The following NELL2 variants were observed in gnomAD, a reference collection of about 807,000 sequenced individuals.
NELL2 encodes protein kinase C-binding protein NELL2.
A neutral mutation model predicts 109.6 loss-of-function variants in NELL2; 41 were observed. The observed-to-expected ratio is 0.37, with a 90% CI of 0.29 to 0.49. The LOEUF is 0.49. Ranked by LOEUF, NELL2 falls within the 20% of genes least tolerant of loss-of-function variation. NELL2 has a pLI of 0.98. For missense variants in NELL2, 900 were observed against 1,008.3 expected (o/e 0.89, Z 1.45); for synonymous variants, 355 against 344.7 (o/e 1.03, Z -0.33).
In NELL2 at chr12:44,777,295, T is replaced by C. The variant is rs755724015; in HGVS notation, c.626A>G (p.Gln209Arg). 6.2e-7 allele frequency: 1 copy of C among 1,613,712 alleles called. No homozygotes were observed. The highest frequency in any genetic ancestry group is 1.1e-5 in the South Asian group (1 of 91,070). ...GYFKGIMQDV[Q>R]LLVMPQGFIA... Reference sequence around the variant, plus strand: ...AAATCCCTGGGGCATGACAAGTAATTGGACATCTTGCATTATACCCTGTGT... The same window carrying C: ...AAATCCCTGGGGCATGACAAGTAATCGGACATCTTGCATTATACCCTGTGT... Residue 209 changes from glutamine to arginine, a missense_variant, in exon 6 of 20, where the codon CAA becomes CGA. By Grantham distance (43) the Gln-to-Arg change is conservative (BLOSUM62 1). Around this residue, in one of 4 missense-constraint regions of NELL2, gnomAD observed 75 missense variants for 118.9 expected, o/e 0.63. Coordinates refer to ENST00000429094, the MANE Select transcript of NELL2 (RefSeq NM_001145108.2).
At chr12:44,820,608 CAAAAAAA>C (rs11445797) in intron 2 of NELL2, among the ~76,000 whole-genome samples, 1 of 133,860 alleles carries the variant, frequency 7.5e-6, no homozygotes, top group Non-Finnish European at 1.6e-5. Context: ...GACTCCGTCT[CAAAAAAA>C]AAAAAAAGAA....
At chr12:44,718,705 A>AATAAT (rs777807685) in intron 9 of NELL2, among the ~76,000 whole-genome samples, 22 of 152,202 alleles carry the variant, frequency 1.4e-4, no homozygotes, top group Non-Finnish European at 2.9e-4. Context: ...TTCTAGGGAG[A>AATAAT]TGTACTTAAT....
chr12:44,576,599 G>T (rs150102607), intron 15 of NELL2, among the ~76,000 whole-genome samples: 146 of 150,098 alleles, frequency 9.7e-4, no homozygotes, highest in African/African-American at 3.2e-3. Flanking sequence ...TGCATATTGT[G>T]CAGGTTAGTT....
intron 15 of NELL2, among the ~76,000 whole-genome samples, chr12:44,589,265 GA>G (rs199862398): frequency 0.14 from 18,476 of 136,288 alleles, 1,330 homozygotes; most frequent in African/African-American, 0.21. Context: ...CAGTCCAGTG[GA>G]AAAAAAAAAA....
chr12:44,680,466 T>C (rs1948459976), intron 12 of NELL2, among the ~76,000 whole-genome samples: 1 of 152,202 alleles, frequency 6.6e-6, no homozygotes, highest in Non-Finnish European at 1.5e-5. Flanking sequence ...GAAAAATTAC[T>C]TGGAGGAAAT....
At chr12:44,863,700 C>T (rs574289027) in intron 2 of NELL2, among the ~76,000 whole-genome samples, 58 of 152,082 alleles carry the variant, frequency 3.8e-4, no homozygotes, top group Non-Finnish European at 7.6e-4. Context: ...TAATTAGTAA[C>T]ATGAAAACAT....
intron 3 of NELL2, among the ~76,000 whole-genome samples, chr12:44,796,562 A>G (rs1942627871): frequency 6.6e-6 from 1 of 152,156 alleles, no homozygotes. Context: ...GTCAATAAAC[A>G]AGGCCAAACA....
chr12:44,742,140 T>C (rs944479926), intron 9 of NELL2, among the ~76,000 whole-genome samples: 6 of 152,124 alleles, frequency 3.9e-5, no homozygotes, highest in African/African-American at 1.4e-4. Flanking sequence ...GGCAGCAGCA[T>C]TTGCGGTTCA....
chr12:44,690,066 T>C (rs556582553), intron 12 of NELL2, among the ~76,000 whole-genome samples: 2 of 152,298 alleles, frequency 1.3e-5, no homozygotes, highest in Admixed American at 1.3e-4. Context: ...TCTCCCACTT[T>C]AATGTGCATA....
chr12:44,702,297 C>T (rs1027536039), intron 12 of NELL2, among the ~76,000 whole-genome samples: 14 of 152,062 alleles, frequency 9.2e-5, no homozygotes, highest in Non-Finnish European at 1.5e-4. Flanking sequence ...CTCCTGAGCA[C>T]GGGAAATTCT....
intron 12 of NELL2, among the ~76,000 whole-genome samples, chr12:44,698,205 A>C (rs552858423): frequency 6.6e-6 from 1 of 152,344 alleles, no homozygotes; most frequent in East Asian, 1.9e-4. Flanking sequence ...ATTTCCAAAT[A>C]AGGTAACATT....
At chr12:44,697,667 T>G (rs80234956) in intron 12 of NELL2, among the ~76,000 whole-genome samples, 9,095 of 152,210 alleles carry the variant, frequency 0.06, 899 homozygotes, top group African/African-American at 0.2. Flanking sequence ...CATGAGAAAG[T>G]AATTATATGC....
At chr12:44,804,397 T>C (rs528882938) in intron 3 of NELL2, among the ~76,000 whole-genome samples, 36 of 151,788 alleles carry the variant, frequency 2.4e-4, no homozygotes, top group African/African-American at 8.4e-4. Context: ...GGAAGTGGAG[T>C]GTACACAACA....
In NELL2 at chr12:44,876,261, C is replaced by A; in HGVS notation, c.-392G>T. 8.6e-7 allele frequency: 1 copy of A among 1,161,604 alleles called. No homozygotes were observed. The highest frequency in any genetic ancestry group is 1.1e-6 in the Non-Finnish European group (1 of 940,698). The allele number at this position is 1,161,604 out of a possible 1,614,324, so 72.0% of individuals were successfully genotyped here. A position where few individuals can be genotyped will look rare whatever the true frequency, so the allele number is the denominator to read the frequency against. ...CCAAGAAAGCCCGGGCTGGGGCGGC[C>A]CCGCACCCCCCCGTCTTCCCCGCCG... is the stretch of plus-strand genomic sequence containing the variant. On this transcript the variant is annotated 5_prime_UTR_variant, in exon 1 of 20. Coordinates refer to ENST00000429094, the MANE Select transcript of NELL2 (RefSeq NM_001145108.2).
intron 2 of NELL2, among the ~76,000 whole-genome samples, chr12:44,872,145 C>T (rs2658971): frequency 6.6e-6 from 1 of 151,726 alleles, no homozygotes; most frequent in Non-Finnish European, 1.5e-5. Context: ...AAAGTAGAAC[C>T]CTTTATAACC....
At chr12:44,531,125 AC>A (rs1942034249) in intron 16 of NELL2, among the ~76,000 whole-genome samples, 1 of 152,216 alleles carries the variant, frequency 6.6e-6, no homozygotes, top group Non-Finnish European at 1.5e-5. Flanking sequence ...AAGGATACTA[AC>A]CCAAATTAAA....
chr12:44,783,745 G>A (rs562487830), intron 3 of NELL2, among the ~76,000 whole-genome samples: 10 of 151,926 alleles, frequency 6.6e-5, no homozygotes, highest in African/African-American at 2.2e-4. Context: ...ATTTTCTCAC[G>A]TAATAAAAGA....
At chr12:44,568,989 GCC>G (rs1162329026) in intron 15 of NELL2, among the ~76,000 whole-genome samples, 3 of 151,908 alleles carry the variant, frequency 2.0e-5, no homozygotes, top group African/African-American at 4.8e-5. Flanking sequence ...CAGGTATTAA[GCC>G]TAGTACTCAT....
chr12:44,651,105 A>C (rs1260063419), intron 13 of NELL2, among the ~76,000 whole-genome samples: 1 of 152,196 alleles, frequency 6.6e-6, no homozygotes, highest in East Asian at 1.9e-4. Flanking sequence ...TGCACATGCA[A>C]GGGATCTAGG....
Sources: gnomAD v4.1 joint callset for allele counts (sites outside exome capture counted in the v4.1 genomes callset) on GRCh38, gnomAD v4.1.1 for gene constraint, gnomAD v4.1.1 regional missense constraint, MANE v1.5 for transcripts, NCBI Gene and HGNC (gene_info 2026-07-23, HGNC 2026-07-21) for gene names.